The following ALK variants were observed in gnomAD, a reference collection of about 807,000 sequenced individuals.
ALK encodes the protein ALK tyrosine kinase receptor.
Under a neutral mutation model 163.1 loss-of-function variants are expected in ALK, and 74 were observed. The ratio of observed to expected loss-of-function variants is 0.45; its 90% CI spans 0.38 to 0.55. The LOEUF (loss-of-function observed/expected upper bound fraction) is 0.55. Among genes scored for constraint, ALK ranks in the 20% least tolerant of loss-of-function variants. The pLI, the probability that ALK is intolerant of heterozygous loss-of-function variation, is 0.00. For synonymous variants in ALK, 960 were observed against 843.2 expected, an observed-to-expected ratio of 1.14 and a Z score of -2.40; for missense variants, 2,063 against 2,105.3, an observed-to-expected ratio of 0.98 and a Z score of 0.39.
Position 29,225,574 on chromosome 2 carries a change from C to T in ALK, c.3068-9G>A, listed in dbSNP as rs1409418856. 1 of 1,605,832 alleles carries T rather than the reference C, an allele frequency of 6.2e-7. No homozygotes were observed. Among genetic ancestry groups the T allele is most frequent in the Non-Finnish European group, 8.5e-7 (1 of 1,176,876 alleles). ...CTCCGGGGTGGGTGACACTGGAAGA[C>T]AGGTCCCACTGGGGTATTGACAACC... On this transcript the variant is annotated splice_polypyrimidine_tract_variant and intron_variant, in intron 18 of 28. Transcript: ENST00000389048.
rs144804402 is a variant in ALK at position 29,325,712 on chromosome 2, G to A, written c.1414+2638C>T. Reference sequence around the variant, plus strand: ...TCAGCTTCTGGCTATCAGTTTGATCGTGGACAACCACTTAAACTCCGTGAG... The same window carrying A: ...TCAGCTTCTGGCTATCAGTTTGATCATGGACAACCACTTAAACTCCGTGAG... On this transcript the variant is annotated intron_variant, in intron 6 of 28. Transcript: ENST00000389048. Among the ~76,000 whole-genome samples, 105 of 152,368 alleles carry A rather than the reference G, an allele frequency of 6.9e-4. 1 individual carries two copies. The highest frequency in any genetic ancestry group is 3.4e-3 in the Middle Eastern group (1 of 294).
rs1232597369 is a variant in ALK at position 29,921,050 on chromosome 2, C to G, written c.-391G>C. On this transcript the variant is annotated 5_prime_UTR_variant, in exon 1 of 29. Transcript: ENST00000389048. Reference sequence around the variant, plus strand: ...CCTCTCCTGCCCCCCGCAGTCGGAGCTGGGGTCTGTCCCCTCTCGGGGCAG... The same window carrying G: ...CCTCTCCTGCCCCCCGCAGTCGGAGGTGGGGTCTGTCCCCTCTCGGGGCAG... 3 of 274,860 alleles carry G rather than the reference C, an allele frequency of 1.1e-5. No individual in the cohort carries two copies. Among genetic ancestry groups the G allele is most frequent in the Admixed American group, 4.8e-5 (1 of 20,848 alleles). The allele number at this position is 274,860 out of a possible 1,614,324, so 17.0% of individuals were successfully genotyped here.
chr2:29,222,025 C>T (rs1408023826), intron 22 of ALK, among the ~76,000 whole-genome samples: 2 of 152,180 alleles, frequency 1.3e-5, no homozygotes, highest in Non-Finnish European at 2.9e-5. Flanking sequence ...ATATCTTGTA[C>T]TGTCAAAGTC....
intron 4 of ALK, among the ~76,000 whole-genome samples, chr2:29,414,400 A>G (rs1669815412): frequency 6.6e-6 from 1 of 152,220 alleles, no homozygotes; most frequent in African/African-American, 2.4e-5. Flanking sequence ...GACAGCCTGG[A>G]GACTGAACTG....
At chr2:29,833,369 T>C (rs1335475631) in intron 1 of ALK, among the ~76,000 whole-genome samples, 9 of 152,192 alleles carry the variant, frequency 5.9e-5, no homozygotes, top group South Asian at 4.1e-4. Context: ...TGTAAGACAC[T>C]GAACAAAATA....
chr2:29,302,565 C>T (rs1666402101), intron 8 of ALK, among the ~76,000 whole-genome samples: 1 of 152,084 alleles, frequency 6.6e-6, no homozygotes, highest in Non-Finnish European at 1.5e-5. Flanking sequence ...ATAATGATAC[C>T]TCCTATGTTT....
chr2:29,424,185 G>C (rs1670082812), intron 4 of ALK, among the ~76,000 whole-genome samples: 1 of 152,126 alleles, frequency 6.6e-6, no homozygotes, highest in South Asian at 2.1e-4. Flanking sequence ...CAAACTTTTG[G>C]GGTGTCCAAT....
intron 3 of ALK, among the ~76,000 whole-genome samples, chr2:29,577,153 G>A (rs1304933686): frequency 1.3e-5 from 2 of 152,058 alleles, no homozygotes; most frequent in South Asian, 2.1e-4. Flanking sequence ...CCCGCCTCGG[G>A]AGCCCAAGAC....
In ALK at chr2:29,531,937, T is replaced by C; in HGVS notation, c.1132A>G (p.Met378Val). 6.2e-7 allele frequency: 1 copy of C among 1,614,108 alleles called. No individual in the cohort carries two copies. The highest frequency in any genetic ancestry group is 1.1e-5 in the South Asian group (1 of 91,068). ...HNEAAREILL[M>V]PTPGKHGWTV... ...TACCCATGCTTCCCTGGAGTGGGCA[T>C]CAGGAGGATCTCTCTTGCAGCCTCG... is the stretch of plus-strand genomic sequence containing the variant. Residue 378 changes from methionine (M) to valine (V), a missense_variant, in exon 4 of 29, where the codon ATG (methionine) becomes GTG (valine). By Grantham distance (21) the Met-to-Val change is conservative. Coordinates refer to ENST00000389048, the MANE Select transcript of ALK (RefSeq NM_004304.5).
chr2:29,306,449 G>T (rs948900465), intron 8 of ALK, among the ~76,000 whole-genome samples: 1 of 152,222 alleles, frequency 6.6e-6, no homozygotes, highest in African/African-American at 2.4e-5. Flanking sequence ...GTTGCTCAGT[G>T]TGTGGTCTTT....
At chr2:29,304,958 G>A (rs1356003819) in intron 8 of ALK, among the ~76,000 whole-genome samples, 1 of 152,200 alleles carries the variant, frequency 6.6e-6, no homozygotes, top group Non-Finnish European at 1.5e-5. Flanking sequence ...TAATGTCTGG[G>A]CACCACTCCA....
At chr2:29,624,312 T>C (rs1676129328) in intron 3 of ALK, among the ~76,000 whole-genome samples, 2 of 152,204 alleles carry the variant, frequency 1.3e-5, no homozygotes, top group African/African-American at 2.4e-5. Flanking sequence ...ATTTAGGTCT[T>C]TTATAAAAGC....
chr2:29,236,658 A>T (rs1476125158), intron 13 of ALK, among the ~76,000 whole-genome samples: 6 of 151,952 alleles, frequency 3.9e-5, no homozygotes, highest in Non-Finnish European at 8.8e-5. Context: ...CTTTCCTCAC[A>T]TGACTTCCAG....
chr2:29,581,752 A>C (rs978838281), intron 3 of ALK, among the ~76,000 whole-genome samples: 2 of 152,034 alleles, frequency 1.3e-5, no homozygotes, highest in Non-Finnish European at 2.9e-5. Context: ...CCAAAACAGG[A>C]AGGAGTTCCT....
At chr2:29,693,748 C>T (rs1678471239) in intron 3 of ALK, among the ~76,000 whole-genome samples, 1 of 152,140 alleles carries the variant, frequency 6.6e-6, no homozygotes, top group South Asian at 2.1e-4. Flanking sequence ...ACAGAGCAGG[C>T]TCTGGTCCTG....
intron 4 of ALK, among the ~76,000 whole-genome samples, chr2:29,510,514 T>A (rs1171913925): frequency 6.6e-6 from 1 of 152,220 alleles, no homozygotes; most frequent in Non-Finnish European, 1.5e-5. Flanking sequence ...TTTTATTTGC[T>A]GTAAATGGAA....
chr2:29,216,848 GGT>G (rs1169216051), intron 23 of ALK, among the ~76,000 whole-genome samples: 3 of 149,558 alleles, frequency 2.0e-5, no homozygotes, highest in Non-Finnish European at 4.5e-5. Flanking sequence ...CAGTATATAT[GGT>G]GTGTGTTGTA....
chr2:29,470,738 C>T (rs1043469298), intron 4 of ALK, among the ~76,000 whole-genome samples: 1 of 151,184 alleles, frequency 6.6e-6, no homozygotes, highest in African/African-American at 2.4e-5. Flanking sequence ...TTAACGCAAG[C>T]TCTTGAAGCA....
At chr2:29,676,255 C>T (rs1448916477) in intron 3 of ALK, among the ~76,000 whole-genome samples, 1 of 151,950 alleles carries the variant, frequency 6.6e-6, no homozygotes, top group Non-Finnish European at 1.5e-5. Context: ...AGCATCATAC[C>T]TAAAAACGTT....
Sources: allele counts gnomAD v4.1 joint callset (sites outside exome capture counted in the v4.1 genomes callset), GRCh38; gene constraint gnomAD v4.1.1; transcripts MANE v1.5; gene names NCBI Gene and HGNC (gene_info 2026-07-23, HGNC 2026-07-21).